ATP10B: variants seen among roughly 807,000 people sequenced by gnomAD.
The protein encoded by ATP10B is ATPase phospholipid transporting 10B (putative), also known as phospholipid-transporting ATPase VB.
In ATP10B, 122 loss-of-function variants were observed where a neutral mutation model predicts 141.2. The observed-to-expected ratio is 0.86, with a 90% CI of 0.75 to 1.00. The LOEUF is 1.00. ATP10B is among the 50% of genes least tolerant of loss of function. The probability of loss-of-function intolerance (pLI) is 0.00; values close to 1 mark genes in which losing one functional copy is unlikely to be tolerated. For synonymous variants in ATP10B, 685 were observed against 692.0 expected (o/e 0.99, Z 0.16); for missense variants, 1,876 against 1,825.3 (o/e 1.03, Z -0.51).
chr5:160,911,230 A>G, the ATP10B span, among the ~76,000 whole-genome samples: 4 of 152,172 alleles, frequency 2.6e-5, no homozygotes, highest in African/African-American at 9.7e-5. Flanking sequence ...GGCTCAGAGG[A>G]CAAAGGAGAT....
intron 2 of ATP10B, among the ~76,000 whole-genome samples, chr5:160,757,878 G>T (rs892612351): frequency 2.0e-5 from 3 of 152,134 alleles, no homozygotes; most frequent in African/African-American, 7.2e-5. Context: ...GTGCATTGTA[G>T]GGTGGTTAGC....
chr5:160,926,352 C>A, the ATP10B span, among the ~76,000 whole-genome samples: 1 of 152,210 alleles, frequency 6.6e-6, no homozygotes, highest in Non-Finnish European at 1.5e-5. Context: ...TACAACATTG[C>A]TTATGGGCCC....
intron 2 of ATP10B, among the ~76,000 whole-genome samples, chr5:160,753,708 G>A (rs1768319802): frequency 6.6e-6 from 1 of 152,138 alleles, no homozygotes; most frequent in African/African-American, 2.4e-5. Flanking sequence ...AATAATGATG[G>A]TAGCTAACAT....
intron 1 of ATP10B, among the ~76,000 whole-genome samples, chr5:160,817,854 A>G (rs1773776639): frequency 6.6e-6 from 1 of 152,236 alleles, no homozygotes; most frequent in Non-Finnish European, 1.5e-5. Flanking sequence ...GCATATCTAC[A>G]GCCATCTGAT....
chr5:160,675,361 T>C (rs1476721850), intron 6 of ATP10B, among the ~76,000 whole-genome samples: 1 of 152,140 alleles, frequency 6.6e-6, no homozygotes, highest in Non-Finnish European at 1.5e-5. Context: ...GAAAATTAAG[T>C]GGTGCAGTGC....
chr5:160,595,116 TC>T (rs909032485), intron 22 of ATP10B, among the ~76,000 whole-genome samples: 3 of 152,146 alleles, frequency 2.0e-5, no homozygotes, highest in African/African-American at 7.2e-5. Context: ...TCACACTTAT[TC>T]CAAAACTGAC....
At chr5:160,651,457 T>C (rs1760730235) in intron 7 of ATP10B, among the ~76,000 whole-genome samples, 1 of 152,082 alleles carries the variant, frequency 6.6e-6, no homozygotes, top group Non-Finnish European at 1.5e-5. Flanking sequence ...TCTTCATCTG[T>C]AGAATGGGGC....
At chr5:160,797,961 A>G (rs1424409690) in intron 1 of ATP10B, among the ~76,000 whole-genome samples, 1 of 146,980 alleles carries the variant, frequency 6.8e-6, no homozygotes, top group Non-Finnish European at 1.5e-5. Flanking sequence ...AAAAAAAAAA[A>G]AAGAGAAAAG....
At chr5:160,736,340 T>C (rs901683142) in intron 2 of ATP10B, among the ~76,000 whole-genome samples, 39 of 152,176 alleles carry the variant, frequency 2.6e-4, no homozygotes, top group African/African-American at 8.4e-4. Context: ...AAAGGTATGA[T>C]GATAAATGGG....
intron 13 of ATP10B, among the ~76,000 whole-genome samples, chr5:160,625,162 G>A (rs1435088637): frequency 2.6e-5 from 4 of 152,220 alleles, no homozygotes. Context: ...AGGTCACACA[G>A]TAAGTGGGAG....
chr5:160,781,649 T>C (rs534895717), intron 2 of ATP10B, among the ~76,000 whole-genome samples: 1 of 152,286 alleles, frequency 6.6e-6, no homozygotes, highest in African/African-American at 2.4e-5. Context: ...TCCAGTGTGT[T>C]TTGGAGCAAC....
At chr5:160,710,316 G>A (rs1484765547) in intron 3 of ATP10B, among the ~76,000 whole-genome samples, 5 of 43,366 alleles carry the variant, frequency 1.2e-4, no homozygotes, top group African/African-American at 4.8e-4. Context: ...ACTGGTGTGA[G>A]ATGATATCTC....
intron 22 of ATP10B, among the ~76,000 whole-genome samples, chr5:160,596,881 A>C (rs1756733009): frequency 6.6e-6 from 1 of 152,360 alleles, no homozygotes; most frequent in Non-Finnish European, 1.5e-5. Context: ...CCACTGCTCA[A>C]TGAAATAAAA....
rs551792663 is a variant in ATP10B, at chr5:160,656,707, T to G, written c.676-7451A>C. On this transcript the variant is annotated intron_variant, in intron 7 of 25. Coordinates refer to ENST00000327245, the MANE Select transcript of ATP10B (RefSeq NM_025153.3). ...TTTTTATAGTCACAAAGGGTCTTTT[T>G]TTTTTAAATGGAACCCATAGGCATA... Among the ~76,000 whole-genome samples, 7 of 152,312 alleles carry G rather than the reference T, an allele frequency of 4.6e-5. No homozygotes were observed. The South Asian group carries it at 1.4e-3, about 32-fold the overall frequency.
In ATP10B at chr5:160,634,409, C is replaced by A. The variant is rs749498917; in HGVS notation, c.1326G>T (p.Lys442Asn). ...SDKTGTLTEN[K>N]MVFRRCTIMG... ...TGATGGTGCAACGTCGGAACACCAT[C>A]TTGTTCTCTGTCAGGGTCCCCGTCT... The change falls in exon 12 of 26, where the codon AAG becomes AAT. Residue 442 changes from lysine (K) to asparagine (N), a missense_variant. By Grantham distance (94) the Lys-to-Asn change is moderately conservative. Transcript: ENST00000327245. The A allele has an allele frequency of 1.9e-6, 3 of 1,614,070 alleles. No individual in the cohort carries two copies. Among genetic ancestry groups the A allele is most frequent in the African/African-American group, 2.7e-5 (2 of 74,930 alleles).
chr5:160,576,583 A>C (rs1303499907), intron 24 of ATP10B, among the ~76,000 whole-genome samples: 4 of 152,232 alleles, frequency 2.6e-5, no homozygotes, highest in African/African-American at 9.6e-5. Flanking sequence ...ATCACAAGAC[A>C]CAATGGGAGC....
the ATP10B span, among the ~76,000 whole-genome samples, chr5:160,900,852 G>GA: frequency 1.1e-4 from 16 of 143,348 alleles, no homozygotes; most frequent in Admixed American, 9.9e-4. Context: ...TCATGTCATT[G>GA]AAAAAAGAAC....
In ATP10B at chr5:160,602,576, C is replaced by T. The variant is rs1239970230; in HGVS notation, c.3363+1G>A. The T allele has an allele frequency of 6.2e-7, 1 of 1,613,712 alleles. No individual in the cohort carries two copies. The highest frequency in any genetic ancestry group is 8.5e-7 in the Non-Finnish European group (1 of 1,179,750). ...GTGAGAGGACGCCATAGGCTACTTA[C>T]CACGTTCTTGTAGAGGTAGTACACC... On this transcript the variant is annotated splice_donor_variant, in intron 21 of 25. Transcript: ENST00000327245. LOFTEE classifies it high-confidence loss of function.
At chr5:160,634,298 G>A (rs1759180914) in intron 12 of ATP10B, 56 bp downstream of exon 12, 1 of 1,612,778 alleles carries the variant, frequency 6.2e-7, no homozygotes, top group South Asian at 1.1e-5. Flanking sequence ...CGTTTCTTAG[G>A]AGAGCAGGGT....
Sources: allele counts gnomAD v4.1 joint callset (sites outside exome capture counted in the v4.1 genomes callset), GRCh38; gene constraint gnomAD v4.1.1; transcripts MANE v1.5; gene names NCBI Gene and HGNC (gene_info 2026-07-23, HGNC 2026-07-21).